The following AGMO variants were observed in gnomAD, a reference collection of about 807,000 sequenced individuals.
AGMO encodes the protein alkylglycerol monooxygenase.
Under a neutral mutation model 60.2 loss-of-function variants are expected in AGMO, and 75 were observed. The ratio of observed to expected loss-of-function variants is 1.25; its 90% confidence interval spans 1.03 to 1.51. AGMO has a LOEUF of 1.51. Among genes scored for constraint, AGMO ranks in the 40% most tolerant of loss-of-function variants. The pLI, the probability that AGMO is intolerant of heterozygous loss-of-function variation, is 0.00. For missense variants in AGMO, 763 were observed against 525.5 expected, an observed-to-expected ratio of 1.45 and a Z score of -4.42; for synonymous variants, 261 against 177.1, an observed-to-expected ratio of 1.47 and a Z score of -3.76.
intron 5 of AGMO, among the ~76,000 whole-genome samples, chr7:15,404,492 A>C (rs533047618): frequency 6.6e-6 from 1 of 152,054 alleles, no homozygotes; most frequent in South Asian, 2.1e-4. Flanking sequence ...GATTTACAGA[A>C]GAAAAACTGG....
intron 12 of AGMO, among the ~76,000 whole-genome samples, chr7:15,266,934 G>A (rs1241721657): frequency 6.6e-6 from 1 of 151,888 alleles, no homozygotes; most frequent in Non-Finnish European, 1.5e-5. Context: ...TTCCACAGAA[G>A]AGGCAATCTA....
rs1784730877 is a variant in AGMO at position 15,544,815 on chromosome 7, T to C, written c.366A>G (p.Leu122=). The C allele has an allele frequency of 6.2e-7, 1 of 1,609,806 alleles. No homozygotes were observed. The highest frequency in any genetic ancestry group is 8.5e-7 in the Non-Finnish European group (1 of 1,177,902). ...DSPWTWYSAF[L]GVDFGYYWFH... is the part of the protein sequence containing the mutation. ...ACCAGTAGTAGCCAAAGTCAACTCCTAAGAAGGCTGAATACCAAGTCCATG... is the reference window on the plus strand; with the variant it reads ...ACCAGTAGTAGCCAAAGTCAACTCCCAAGAAGGCTGAATACCAAGTCCATG... The change falls in exon 3 of 13, where the codon TTA becomes TTG. Residue 122 remains leucine, a synonymous_variant. Coordinates refer to ENST00000342526, the MANE Select transcript of AGMO (RefSeq NM_001004320.2).
the AGMO span, among the ~76,000 whole-genome samples, chr7:15,174,622 G>A: frequency 1.3e-5 from 2 of 151,990 alleles, no homozygotes; most frequent in Non-Finnish European, 2.9e-5. Context: ...AGAAATGCAT[G>A]AGAGGTCATT....
At chr7:15,122,867 A>C in the AGMO span, among the ~76,000 whole-genome samples, 3 of 152,044 alleles carry the variant, frequency 2.0e-5, no homozygotes, top group African/African-American at 2.4e-5. Context: ...GAGTGGCCAG[A>C]GTGAAACATT....
At position 15,234,619 on chromosome 7, in the gene AGMO, A is replaced by G. The variant is rs1782365007; in HGVS notation, c.1264-33260T>C. Among the ~76,000 whole-genome samples the G allele has an allele frequency of 2.0e-5, 3 of 152,176 alleles. 1 individual carries two copies. Among genetic ancestry groups the G allele is most frequent in the South Asian group, 2.1e-4 (1 of 4,832 alleles). The stretch of plus-strand genomic sequence containing the variant: ...AGCTGGGGTCAGCAACATTTTTCTG[A>G]AAAGGAACAGCTAGTAAATATTTCA... On this transcript the variant is annotated intron_variant, in intron 12 of 12. Transcript: ENST00000342526.
chr7:15,330,606 A>G (rs1781470381), intron 12 of AGMO, among the ~76,000 whole-genome samples: 1 of 152,014 alleles, frequency 6.6e-6, no homozygotes, highest in Non-Finnish European at 1.5e-5. Context: ...TATCTACAGA[A>G]GCCTTCCCTT....
intron 12 of AGMO, among the ~76,000 whole-genome samples, chr7:15,301,070 T>C (rs1024622076): frequency 6.6e-6 from 1 of 152,166 alleles, no homozygotes; most frequent in Non-Finnish European, 1.5e-5. Context: ...TTAAGAAATC[T>C]TTTCTATATT....
At chr7:15,471,451 C>T (rs1049391381) in intron 3 of AGMO, among the ~76,000 whole-genome samples, 1 of 151,898 alleles carries the variant, frequency 6.6e-6, no homozygotes, top group African/African-American at 2.4e-5. Context: ...TACCCAGGAT[C>T]TTTCTTTCTA....
At chr7:15,428,511 G>T (rs1781133013) in intron 4 of AGMO, among the ~76,000 whole-genome samples, 1 of 152,004 alleles carries the variant, frequency 6.6e-6, no homozygotes, top group Non-Finnish European at 1.5e-5. Flanking sequence ...TTGCTGCTTT[G>T]TTACTTTGTA....
At chr7:15,527,218 C>T (rs1239094661) in intron 3 of AGMO, among the ~76,000 whole-genome samples, 1 of 152,150 alleles carries the variant, frequency 6.6e-6, no homozygotes, top group Admixed American at 6.6e-5. Context: ...AGCTAGACCT[C>T]TTGTGGAAAG....
intron 12 of AGMO, among the ~76,000 whole-genome samples, chr7:15,206,237 T>G (rs10247411): frequency 0.15 from 22,098 of 152,002 alleles, 1,810 homozygotes; most frequent in South Asian, 0.24. Context: ...CAGAAATACA[T>G]TAGATAATTA....
intron 12 of AGMO, among the ~76,000 whole-genome samples, chr7:15,221,837 A>T (rs1268301821): frequency 6.6e-6 from 1 of 152,182 alleles, no homozygotes; most frequent in Non-Finnish European, 1.5e-5. Context: ...GTATCCGTGA[A>T]CTAGAAGATA....
intron 12 of AGMO, among the ~76,000 whole-genome samples, chr7:15,249,687 T>C (rs1324082060): frequency 6.6e-6 from 1 of 151,790 alleles, no homozygotes; most frequent in Non-Finnish European, 1.5e-5. Flanking sequence ...TACAAGGATG[T>C]GATGGGGGGG....
At chr7:15,145,296 A>C in the AGMO span, among the ~76,000 whole-genome samples, 1 of 152,214 alleles carries the variant, frequency 6.6e-6, no homozygotes, top group Admixed American at 6.5e-5. Context: ...GAATGCCTGC[A>C]AAATGAAGAA....
At chr7:15,347,717 T>C (rs1461674354) in intron 12 of AGMO, among the ~76,000 whole-genome samples, 1 of 152,028 alleles carries the variant, frequency 6.6e-6, no homozygotes, top group Non-Finnish European at 1.5e-5. Flanking sequence ...TGGTAAACTA[T>C]AAAATTTTAA....
chr7:15,217,273 G>C (rs1385634462), intron 12 of AGMO, among the ~76,000 whole-genome samples: 1 of 151,992 alleles, frequency 6.6e-6, no homozygotes, highest in Non-Finnish European at 1.5e-5. Flanking sequence ...AAGGAACATG[G>C]GAAGCCCAGG....
intron 3 of AGMO, among the ~76,000 whole-genome samples, chr7:15,518,557 C>T (rs1019466015): frequency 2.0e-5 from 3 of 152,086 alleles, no homozygotes; most frequent in African/African-American, 7.2e-5. Flanking sequence ...CCAGCAAACT[C>T]CAGCAGACCT....
the AGMO span, among the ~76,000 whole-genome samples, chr7:15,121,087 C>T: frequency 2.0e-5 from 3 of 152,086 alleles, no homozygotes; most frequent in African/African-American, 4.8e-5. Context: ...GTTTTCTGTT[C>T]CTGTGTTAGT....
intron 12 of AGMO, among the ~76,000 whole-genome samples, chr7:15,244,946 C>T (rs1782698689): frequency 6.6e-6 from 1 of 152,128 alleles, no homozygotes; most frequent in South Asian, 2.1e-4. Flanking sequence ...GCCACCACGC[C>T]CGGCCAGTAT....
Sources: allele counts gnomAD v4.1 joint callset (sites outside exome capture counted in the v4.1 genomes callset), GRCh38; gene constraint gnomAD v4.1.1; transcripts MANE v1.5; gene names NCBI Gene and HGNC (gene_info 2026-07-23, HGNC 2026-07-21).